Variants in PDZD9 observed in about 807,000 individuals in gnomAD.
PDZD9 encodes PDZ domain containing 9.
In PDZD9, 13 loss-of-function variants were observed where a neutral mutation model predicts 16.3. The observed-to-expected ratio is 0.80, with a 90% CI of 0.52 to 1.27. The LOEUF (loss-of-function observed/expected upper bound fraction) is 1.27, where lower values mean the gene tolerates loss of function less well. PDZD9 is among the 50% of genes most tolerant of loss of function. The pLI is 0.00. For missense variants in PDZD9, 288 were observed against 310.9 expected (o/e 0.93, Z 0.55); for synonymous variants, 120 against 111.0 (o/e 1.08, Z -0.51).
chr16:21,972,109 A>T, the PDZD9 span: 1 of 1,613,566 alleles, frequency 6.2e-7, no homozygotes, highest in African/African-American at 1.3e-5. Context: ...AAGGCAACTC[A>T]GCAGCCATTT....
chr16:21,975,650 C>T, the PDZD9 span, among the ~76,000 whole-genome samples: 1 of 152,230 alleles, frequency 6.6e-6, no homozygotes, highest in Middle Eastern at 3.4e-3. Context: ...CCCTGGCTTA[C>T]AAAGTATGGA....
chr16:21,982,179 C>G (rs1312536561), downstream of PDZD9, among the ~76,000 whole-genome samples: 3 of 151,952 alleles, frequency 2.0e-5, no homozygotes, highest in Non-Finnish European at 4.4e-5. Flanking sequence ...CATCTTATAT[C>G]CTATCATTAT....
the PDZD9 span, chr16:21,968,654 C>T: frequency 6.2e-7 from 1 of 1,609,356 alleles, no homozygotes; most frequent in Non-Finnish European, 8.5e-7. Flanking sequence ...AGAACCATTT[C>T]ACAAGTGCAA....
chr16:21,966,187 T>C, the PDZD9 span, among the ~76,000 whole-genome samples: 1 of 151,872 alleles, frequency 6.6e-6, no homozygotes, highest in African/African-American at 2.4e-5. Context: ...TGTGTATACA[T>C]ATATATAAAA....
At chr16:21,987,292 C>T (rs752427945) in intron 3 of PDZD9, among the ~76,000 whole-genome samples, 18 of 152,036 alleles carry the variant, frequency 1.2e-4, no homozygotes, top group Non-Finnish European at 2.4e-4. Context: ...TGTTGGCATG[C>T]GCCTGTAATC....
chr16:21,999,590 C>G (rs1899239009), intron 1 of PDZD9: 1 of 152,360 alleles, frequency 6.6e-6, no homozygotes, highest in Admixed American at 6.5e-5. Context: ...CTTTGCCAAC[C>G]TCAAGTCTTA....
chr16:21,958,781 ACTGT>A, the PDZD9 span, among the ~76,000 whole-genome samples: 3 of 152,312 alleles, frequency 2.0e-5, no homozygotes, highest in South Asian at 2.1e-4. Flanking sequence ...AATTTAAGTA[ACTGT>A]CTGGGAGTAG....
intron 2 of PDZD9, among the ~76,000 whole-genome samples, chr16:21,993,732 C>T (rs1435723786): frequency 1.3e-5 from 2 of 152,156 alleles, no homozygotes; most frequent in African/African-American, 2.4e-5. Context: ...GTGGCTTAAT[C>T]CACTGGGACC....
Position 21,988,511 on chromosome 16 carries a change from T to C in PDZD9, c.401+91A>G, listed in dbSNP as rs1898937744. 2 of 1,079,204 alleles carry C rather than the reference T, an allele frequency of 1.9e-6. 1 individual carries two copies. The highest frequency in any genetic ancestry group is 2.7e-6 in the Non-Finnish European group (2 of 746,190). The allele number at this position is 1,079,204 out of a possible 1,614,324, so 66.9% of individuals were successfully genotyped here. A position where few individuals can be genotyped will look rare whatever the true frequency, so the allele number is the denominator to read the frequency against. ...ACCAGTCCTCCTGTCATGATCCTTA[T>C]CATTTGATAATTGTCACATTAAACC... On this transcript the variant is annotated intron_variant, in intron 3 of 3. Transcript: ENST00000424898.
rs558387714 is a variant in PDZD9, at chr16:21,991,430, G to A, written c.212-2639C>T. 2.0e-5 allele frequency among the ~76,000 whole-genome samples: 3 copies of A among 152,038 alleles called. No individual in the cohort carries two copies. The South Asian group carries it at 6.2e-4, about 32-fold the overall frequency. ...GTTTTTGTATTTTTTATTGAAATGGGGTTTTGTCATGTTGCCCCAGCTGGT... is the reference window on the plus strand; with the variant it reads ...GTTTTTGTATTTTTTATTGAAATGGAGTTTTGTCATGTTGCCCCAGCTGGT... On this transcript the variant is annotated intron_variant, in intron 2 of 3. Transcript: ENST00000424898.
At chr16:21,987,531 A>G (rs1270877954) in intron 3 of PDZD9, among the ~76,000 whole-genome samples, 1 of 152,232 alleles carries the variant, frequency 6.6e-6, no homozygotes, top group Non-Finnish European at 1.5e-5. Context: ...AAAGGACACC[A>G]AGAGGAAATG....
At chr16:21,971,961 G>A in the PDZD9 span, 1 of 1,614,158 alleles carries the variant, frequency 6.2e-7, no homozygotes, top group Non-Finnish European at 8.5e-7. Flanking sequence ...TCTTGTCCAT[G>A]CTGCTTTTGT....
At chr16:21,981,584 T>C (rs145363620), downstream of PDZD9, among the ~76,000 whole-genome samples, 219 of 151,970 alleles carry the variant, frequency 1.4e-3, 2 homozygotes, top group East Asian at 0.034. Context: ...CAAAACCCCA[T>C]CTCTACAAAA....
At chr16:21,973,908 A>T in the PDZD9 span, 1 of 1,613,042 alleles carries the variant, frequency 6.2e-7, no homozygotes, top group Non-Finnish European at 8.5e-7. Flanking sequence ...TTCTGCATTT[A>T]ATGCCAGTTA....
chr16:21,967,762 C>G, the PDZD9 span, among the ~76,000 whole-genome samples: 1 of 152,072 alleles, frequency 6.6e-6, no homozygotes, highest in Non-Finnish European at 1.5e-5. Flanking sequence ...TTTCGACACC[C>G]TGGTATAGAC....
the PDZD9 span, chr16:21,962,586 T>G: frequency 1.2e-6 from 2 of 1,605,754 alleles, no homozygotes; most frequent in African/African-American, 1.3e-5. Flanking sequence ...CTGGTCTTTG[T>G]AATGCGTCAT....
chr16:21,968,472 C>T, the PDZD9 span: 1 of 500,914 alleles, frequency 2.0e-6, no homozygotes, highest in African/African-American at 2.0e-5. Flanking sequence ...ATAATAAAAT[C>T]CCAGGGTAAT....
the PDZD9 span, among the ~76,000 whole-genome samples, chr16:21,961,656 ATATATATATATATT>A: frequency 9.9e-5 from 8 of 80,954 alleles, no homozygotes; most frequent in African/African-American, 5.8e-4. Flanking sequence ...ATATATATAT[ATATATATATATATT>A]TTAGACAGTC....
At chr16:21,998,922 G>C (rs1279075447) in intron 1 of PDZD9, 3 of 227,124 alleles carry the variant, frequency 1.3e-5, no homozygotes, top group African/African-American at 6.9e-5. Flanking sequence ...CTTCATTTTG[G>C]AGAGAAGACT....
Sources: allele counts gnomAD v4.1 joint callset (sites outside exome capture counted in the v4.1 genomes callset), GRCh38; gene constraint gnomAD v4.1.1; transcripts MANE v1.5; gene names NCBI Gene and HGNC (gene_info 2026-07-23, HGNC 2026-07-21).